The following CABIN1 variants were observed in gnomAD, a reference collection of about 807,000 sequenced individuals.
The protein encoded by CABIN1 is calcineurin binding protein 1.
In CABIN1, 133 loss-of-function variants were observed where a neutral mutation model predicts 227.7. The observed-to-expected ratio is 0.58, with a 90% confidence interval of 0.51 to 0.67. CABIN1 has a LOEUF of 0.67. Ranked by LOEUF, CABIN1 falls within the 30% of genes least tolerant of loss-of-function variation. CABIN1 has a pLI of 0.00. For missense variants in CABIN1, 2,408 were observed against 2,852.5 expected, an observed-to-expected ratio of 0.84 and a Z score of 3.55; for synonymous variants, 1,086 against 1,155.1, an observed-to-expected ratio of 0.94 and a Z score of 1.21.
Position 24,178,342 on chromosome 22 carries a change from G to T in CABIN1, c.*146G>T. 1 of 988,624 alleles carries T rather than the reference G, an allele frequency of 1.0e-6. No homozygotes were observed. Among genetic ancestry groups the T allele is most frequent in the Non-Finnish European group, 1.5e-6 (1 of 669,062 alleles). The allele number at this position is 988,624 out of a possible 1,614,324, so 61.2% of individuals were successfully genotyped here. A position where few individuals can be genotyped will look rare whatever the true frequency, so the allele number is the denominator to read the frequency against. ...GGCCTGCCCAGCCCACCTCCTCATG[G>T]CATCCTCCCTGTACCCAGGTCAGGC... On this transcript the variant is annotated 3_prime_UTR_variant, in exon 37 of 37. Coordinates refer to ENST00000263119, the MANE Select transcript of CABIN1 (RefSeq NM_012295.4).
At chr22:24,127,277 TGCCTGTCGG>T (rs1309746873) in intron 28 of CABIN1, among the ~76,000 whole-genome samples, 1 of 152,022 alleles carries the variant, frequency 6.6e-6, no homozygotes, top group African/African-American at 2.4e-5. Flanking sequence ...CCAGCCGCGG[TGCCTGTCGG>T]GGCTGGCCAT....
At chr22:24,155,424 A>G (rs1311886954) in intron 29 of CABIN1, among the ~76,000 whole-genome samples, 1 of 152,014 alleles carries the variant, frequency 6.6e-6, no homozygotes, top group Non-Finnish European at 1.5e-5. Flanking sequence ...AGAGCTGCCT[A>G]CTACTCCCAA....
intron 28 of CABIN1, among the ~76,000 whole-genome samples, chr22:24,122,760 C>T (rs932343717): frequency 1.1e-4 from 16 of 151,800 alleles, no homozygotes; most frequent in African/African-American, 3.9e-4. Context: ...TTCGTTTAAG[C>T]ACCAAAGTTT....
At chr22:24,059,128 T>A (rs1322349709) in intron 10 of CABIN1, 99 bp from the exon 11 acceptor site, 1 of 1,519,552 alleles carries the variant, frequency 6.6e-7, no homozygotes, top group Admixed American at 1.7e-5. Flanking sequence ...TTTAGCTGCC[T>A]TCTTCCTGAC....
chr22:24,025,745 G>C (rs2036040428), intron 1 of CABIN1, among the ~76,000 whole-genome samples: 1 of 152,232 alleles, frequency 6.6e-6, no homozygotes, highest in Non-Finnish European at 1.5e-5. Flanking sequence ...TGCAATCTCA[G>C]CTTACTGTAG....
chr22:24,047,410 A>G (rs891326716), intron 6 of CABIN1, among the ~76,000 whole-genome samples: 4 of 152,178 alleles, frequency 2.6e-5, no homozygotes, highest in African/African-American at 7.2e-5. Flanking sequence ...TAATGTGCCT[A>G]CTGAGAACCA....
rs141919849 is a variant in CABIN1 at position 24,048,969 on chromosome 22, C to T, written c.527-122C>T. On this transcript the variant is annotated intron_variant, in intron 6 of 36. Transcript: ENST00000263119. ...CTGACTGAATTAGTTAAAGTGGTAT[C>T]TCATTATTTTTTACCAGGCATTTCT... is the stretch of plus-strand genomic sequence containing the variant. 3.9e-3 allele frequency: 4,507 copies of T among 1,150,118 alleles called. 14 individuals are homozygous for T. The highest frequency in any genetic ancestry group is 5.1e-3 in the Non-Finnish European group (3,920 of 775,076). The allele number at this position is 1,150,118 out of a possible 1,614,324, so 71.2% of individuals were successfully genotyped here. A position where few individuals can be genotyped will look rare whatever the true frequency, so the allele number is the denominator to read the frequency against.
At chr22:24,091,403 C>G (rs773623644) in intron 23 of CABIN1, among the ~76,000 whole-genome samples, 180 bp from the exon 24 acceptor site, 26 of 152,206 alleles carry the variant, frequency 1.7e-4, no homozygotes, top group Non-Finnish European at 3.2e-4. Flanking sequence ...TTTGAGAAAC[C>G]CCTAGGCCTT....
chr22:24,059,383 A>G lies in CABIN1; in HGVS notation c.1399+20A>G. On this transcript the variant is annotated intron_variant, in intron 11 of 36. Transcript: ENST00000263119. Reference sequence around the variant, plus strand: ...AATCTGGTAGGAATCGAGCAGTGTGACCATTCACTTTGGGAATTCTTCTTC... The same window carrying G: ...AATCTGGTAGGAATCGAGCAGTGTGGCCATTCACTTTGGGAATTCTTCTTC... The G allele has an allele frequency of 3.7e-6, 6 of 1,613,812 alleles. No individual in the cohort carries two copies. Among genetic ancestry groups the G allele is most frequent in the Non-Finnish European group, 4.2e-6 (5 of 1,179,808 alleles).
intron 1 of CABIN1, among the ~76,000 whole-genome samples, chr22:24,034,860 A>T (rs1429004622): frequency 1.3e-5 from 2 of 152,194 alleles, no homozygotes. Context: ...TCTCCCTAAA[A>T]CACCCATTGA....
At chr22:24,142,635 C>T (rs997811499) in intron 29 of CABIN1, among the ~76,000 whole-genome samples, 4 of 152,186 alleles carry the variant, frequency 2.6e-5, no homozygotes, top group Non-Finnish European at 5.9e-5. Context: ...GGCGCCAGCC[C>T]CAGGTTCAGA....
At chr22:24,061,315 G>C (rs1208675106) in intron 12 of CABIN1, among the ~76,000 whole-genome samples, 1 of 152,200 alleles carries the variant, frequency 6.6e-6, no homozygotes, top group African/African-American at 2.4e-5. Flanking sequence ...AGGAGCACCA[G>C]GAACATTCAG....
At chr22:24,075,769 A>G (rs1009835550) in intron 18 of CABIN1, among the ~76,000 whole-genome samples, 2 of 151,988 alleles carry the variant, frequency 1.3e-5, no homozygotes, top group Admixed American at 6.5e-5. Flanking sequence ...TTTTTTTTTA[A>G]GTTAAGAAAT....
At chr22:24,078,196 C>A (rs1236668052) in intron 19 of CABIN1, among the ~76,000 whole-genome samples, 2 of 152,092 alleles carry the variant, frequency 1.3e-5, no homozygotes, top group Admixed American at 6.5e-5. Flanking sequence ...TGTCATGTGC[C>A]CCTCCCCCAC....
chr22:24,064,014 A>C (rs758804100), intron 14 of CABIN1, 21 bp from the exon 15 acceptor site: 1 of 1,613,914 alleles, frequency 6.2e-7, no homozygotes, highest in East Asian at 2.2e-5. Context: ...TGGTTCCCTG[A>C]CCTGTTTTCC....
At chr22:24,153,219 G>C (rs2045595800) in intron 29 of CABIN1, among the ~76,000 whole-genome samples, 1 of 152,194 alleles carries the variant, frequency 6.6e-6, no homozygotes. Flanking sequence ...ACTTAAGCAG[G>C]CTCCTGCTGG....
At chr22:24,101,473 T>A (rs2042196470) in intron 26 of CABIN1, among the ~76,000 whole-genome samples, 1 of 152,130 alleles carries the variant, frequency 6.6e-6, no homozygotes, top group Non-Finnish European at 1.5e-5. Context: ...GCCCCTCAGG[T>A]CACTCTGACT....
rs1569137697 is a variant in CABIN1, at chr22:24,056,234, GGAA to G, written c.1142_1144del (p.Lys381del). 1.2e-6 allele frequency: 2 copies of G among 1,614,066 alleles called. No homozygotes were observed. Among genetic ancestry groups the G allele is most frequent in the Non-Finnish European group, 1.7e-6 (2 of 1,179,982 alleles). ...GATAAATCCAAGAAAGGGGTAAAAC[GGAA>G]GAAGATTTCAGAAGAGAGTGGAGAA... On this transcript the variant is annotated inframe_deletion, in exon 10 of 37. Coordinates refer to ENST00000263119, the MANE Select transcript of CABIN1 (RefSeq NM_012295.4).
At chr22:24,077,401 T>G (rs1298071269) in intron 19 of CABIN1, among the ~76,000 whole-genome samples, 2 of 152,230 alleles carry the variant, frequency 1.3e-5, no homozygotes, top group Non-Finnish European at 2.9e-5. Context: ...TGCATATGTA[T>G]AGAGCTCATG....
Sources: gnomAD v4.1 joint callset for allele counts (sites outside exome capture counted in the v4.1 genomes callset) on GRCh38, gnomAD v4.1.1 for gene constraint, MANE v1.5 for transcripts, NCBI Gene and HGNC (gene_info 2026-07-23, HGNC 2026-07-21) for gene names.